The following AOPEP variants were observed in gnomAD, a reference collection of about 807,000 sequenced individuals.
AOPEP encodes aminopeptidase O (putative).
A neutral mutation model predicts 98.1 loss-of-function variants in AOPEP; 77 were observed. That is an observed-to-expected ratio of 0.78 (90% CI 0.65 to 0.95). The LOEUF (loss-of-function observed/expected upper bound fraction) is 0.95. Ranked by LOEUF, AOPEP falls within the 40% of genes least tolerant of loss-of-function variation. AOPEP has a pLI of 0.00. For missense variants in AOPEP, 1,024 were observed against 1,024.7 expected, an observed-to-expected ratio of 1.00 and a Z score of 0.01; for synonymous variants, 346 against 365.3, an observed-to-expected ratio of 0.95 and a Z score of 0.60.
At chr9:95,007,192 A>G (rs7873479) in intron 13 of AOPEP, among the ~76,000 whole-genome samples, 125,166 of 152,060 alleles carry the variant, frequency 0.82, 52,227 homozygotes, top group Non-Finnish European at 0.9. Flanking sequence ...GAGCCACTGC[A>G]CCCTGCCAGC....
the AOPEP span, among the ~76,000 whole-genome samples, chr9:95,103,403 A>C: frequency 3.0e-4 from 46 of 152,260 alleles, no homozygotes; most frequent in Non-Finnish European, 6.5e-4. Flanking sequence ...TACAGAATTG[A>C]ACTCTGCATC....
At chr9:94,732,558 G>T (rs1219529531) in intron 1 of AOPEP, among the ~76,000 whole-genome samples, 1 of 152,002 alleles carries the variant, frequency 6.6e-6, no homozygotes, top group East Asian at 1.9e-4. Context: ...ATTCCCTATT[G>T]GTGTTTAATA....
chr9:95,086,672 T>G lies in AOPEP; in HGVS notation c.*5-10T>G. The stretch of plus-strand genomic sequence containing the variant: ...CTGGGTAATCAATGTTACTGCTGTT[T>G]CCTTTGCAGGAAAGACCACAGCAAG... On this transcript the variant is annotated splice_polypyrimidine_tract_variant and intron_variant, in intron 16 of 16. Transcript: ENST00000375315. 1 of 988,180 alleles carries G rather than the reference T, an allele frequency of 1.0e-6. No homozygotes were observed. Among genetic ancestry groups the G allele is most frequent in the Non-Finnish European group, 1.2e-6 (1 of 830,812 alleles). The allele number at this position is 988,180 out of a possible 1,614,324, so 61.2% of individuals were successfully genotyped here.
At chr9:95,101,896 C>T in the AOPEP span, 2 of 1,611,264 alleles carry the variant, frequency 1.2e-6, no homozygotes, top group Non-Finnish European at 1.7e-6. Flanking sequence ...ACTTTCCAGA[C>T]AGATTTGTCC....
chr9:94,880,341 TTTTTTC>T (rs1375033920), intron 5 of AOPEP, among the ~76,000 whole-genome samples: 5 of 151,958 alleles, frequency 3.3e-5, no homozygotes, highest in African/African-American at 9.7e-5. Context: ...ATTTGTCTTT[TTTTTTC>T]TTTTTCTTTT....
chr9:94,755,610 G>A (rs973002375), intron 1 of AOPEP, among the ~76,000 whole-genome samples: 13 of 152,168 alleles, frequency 8.5e-5, no homozygotes, highest in Admixed American at 6.5e-5. Context: ...ATAAGAATTG[G>A]TTACTAGTCT....
At chr9:94,946,944 G>T (rs775097888) in intron 7 of AOPEP, among the ~76,000 whole-genome samples, 1 of 150,684 alleles carries the variant, frequency 6.6e-6, no homozygotes, top group Non-Finnish European at 1.5e-5. Flanking sequence ...GATTCACTCA[G>T]ATATATATAT....
chr9:95,123,494 G>C, the AOPEP span: 1 of 467,930 alleles, frequency 2.1e-6, no homozygotes, highest in Non-Finnish European at 4.3e-6. Context: ...ACAAAAATTA[G>C]TGCTTCCTCC....
intron 6 of AOPEP, among the ~76,000 whole-genome samples, chr9:94,926,387 G>T (rs1032454141): frequency 5.3e-5 from 8 of 152,178 alleles, no homozygotes; most frequent in Non-Finnish European, 1.2e-4. Flanking sequence ...AGCTTGCCCT[G>T]TTGCTCTTTT....
At chr9:94,911,122 G>A (rs1052761722) in intron 5 of AOPEP, among the ~76,000 whole-genome samples, 6 of 152,168 alleles carry the variant, frequency 3.9e-5, no homozygotes, top group Admixed American at 3.9e-4. Context: ...CAGTACCTCA[G>A]TCCTGGGCCC....
chr9:95,144,407 A>C, the AOPEP span, among the ~76,000 whole-genome samples: 1 of 152,232 alleles, frequency 6.6e-6, no homozygotes, highest in Non-Finnish European at 1.5e-5. Flanking sequence ...AGAACATGCT[A>C]TCACAAGCAA....
the AOPEP span, chr9:95,126,662 A>C: frequency 7.1e-7 from 1 of 1,407,954 alleles, no homozygotes; most frequent in Non-Finnish European, 1.0e-6. Flanking sequence ...CAAAGGAGTT[A>C]CTGGGAACTG....
At chr9:95,041,666 G>T (rs1165989032) in intron 13 of AOPEP, among the ~76,000 whole-genome samples, 1 of 152,126 alleles carries the variant, frequency 6.6e-6, no homozygotes, top group African/African-American at 2.4e-5. Context: ...TGAAAAAGGT[G>T]GTGGGGTTAT....
At position 94,819,738 on chromosome 9, in the gene AOPEP, A is replaced by AT. The variant is rs542836043; in HGVS notation, c.1364+18750dup. 2.4e-3 allele frequency among the ~76,000 whole-genome samples: 344 copies of AT among 143,454 alleles called. 2 individuals are homozygous for AT. Among genetic ancestry groups the AT allele is most frequent in the East Asian group, 0.019 (94 of 4,916 alleles). The allele number at this position is 143,454 out of a possible 152,430, so 94.1% of individuals were successfully genotyped here. A position where few individuals can be genotyped will look rare whatever the true frequency, so the allele number is the denominator to read the frequency against. ...GGCATGTGCCACCATGCCTGGCTAAATTTTTTTTTTTTTTCATAGAGACGG... is the reference window on the plus strand; with the variant it reads ...GGCATGTGCCACCATGCCTGGCTAAATTTTTTTTTTTTTTTCATAGAGACGG... On this transcript the variant is annotated intron_variant, in intron 5 of 16. Transcript: ENST00000375315.
chr9:95,114,676 C>T, the AOPEP span: 12 of 1,614,190 alleles, frequency 7.4e-6, no homozygotes, highest in Non-Finnish European at 7.6e-6. Flanking sequence ...CAGAAATATG[C>T]TTCAGTGTCT....
At chr9:94,830,378 A>C (rs2134431912) in intron 5 of AOPEP, among the ~76,000 whole-genome samples, 1 of 152,124 alleles carries the variant, frequency 6.6e-6, no homozygotes, top group East Asian at 1.9e-4. Context: ...GATCTTGTTT[A>C]TTTTATGCCT....
At chr9:95,098,032 C>T in the AOPEP span, among the ~76,000 whole-genome samples, 5 of 151,986 alleles carry the variant, frequency 3.3e-5, no homozygotes, top group Non-Finnish European at 7.4e-5. Flanking sequence ...AAGAAAAAGG[C>T]GAGGGGAGAA....
At chr9:94,953,559 G>A (rs957178701) in intron 7 of AOPEP, among the ~76,000 whole-genome samples, 2 of 152,132 alleles carry the variant, frequency 1.3e-5, no homozygotes, top group African/African-American at 4.8e-5. Context: ...GTTATTCTCT[G>A]CAGGATCAGG....
At chr9:94,973,283 A>G (rs2059639242) in intron 10 of AOPEP, among the ~76,000 whole-genome samples, 1 of 152,192 alleles carries the variant, frequency 6.6e-6, no homozygotes, top group Non-Finnish European at 1.5e-5. Flanking sequence ...ATCAAGCAAC[A>G]TGTTGATAGG....
Sources: allele counts gnomAD v4.1 joint callset (sites outside exome capture counted in the v4.1 genomes callset), GRCh38; gene constraint gnomAD v4.1.1; transcripts MANE v1.5; gene names NCBI Gene and HGNC (gene_info 2026-07-23, HGNC 2026-07-21).